Variants in KLRG1 observed in about 807,000 individuals in gnomAD.
KLRG1 encodes killer cell lectin-like receptor subfamily G member 1.
A neutral mutation model predicts 21.8 loss-of-function variants in KLRG1; 16 were observed. The ratio of observed to expected loss-of-function variants is 0.73; its 90% CI spans 0.50 to 1.11. The LOEUF (loss-of-function observed/expected upper bound fraction) is 1.11, where lower values mean the gene tolerates loss of function less well. KLRG1 is among the 50% of genes most tolerant of loss of function. The pLI is 0.00. For synonymous variants in KLRG1, 69 were observed against 75.9 expected (o/e 0.91, Z 0.47); for missense variants, 173 against 218.3 (o/e 0.79, Z 1.31).
the KLRG1 span, chr12:9,112,048 A>T: frequency 1.0e-6 from 1 of 984,260 alleles, no homozygotes; most frequent in Non-Finnish European, 1.6e-6. Flanking sequence ...GCCAGAAGTT[A>T]CTGTTAATGA....
chr12:9,003,880 A>T lies in KLRG1; in HGVS notation c.358-5095A>T, dbSNP rs1947382652. Reference sequence around the variant, plus strand: ...TCCCCCACCCCACAACTGTCCCCAGAGTGTGATGTTCCCCTTCCTGTGTCC... The same window carrying T: ...TCCCCCACCCCACAACTGTCCCCAGTGTGTGATGTTCCCCTTCCTGTGTCC... On this transcript the variant is annotated intron_variant, in intron 3 of 4. Coordinates refer to ENST00000356986, the MANE Select transcript of KLRG1 (RefSeq NM_005810.4). Among the ~76,000 whole-genome samples the T allele has an allele frequency of 2.7e-5, 4 of 149,922 alleles. No individual in the cohort carries two copies. The South Asian group carries it at 6.4e-4, about 24-fold the overall frequency.
chr12:9,097,790 G>C, the KLRG1 span, among the ~76,000 whole-genome samples: 1 of 151,974 alleles, frequency 6.6e-6, no homozygotes, highest in Non-Finnish European at 1.5e-5. Context: ...CCGCCACCAC[G>C]TCTGACTAAT....
intron 3 of KLRG1, among the ~76,000 whole-genome samples, chr12:8,995,583 G>A (rs2137356486): frequency 6.6e-6 from 1 of 152,210 alleles, no homozygotes; most frequent in African/African-American, 2.4e-5. Flanking sequence ...GGAGGCAGAA[G>A]GATGGTGAGT....
chr12:9,010,207 A>C lies in KLRG1; in HGVS notation c.*670A>C. 3 of 530,580 alleles carry C rather than the reference A, an allele frequency of 5.7e-6. No homozygotes were observed. The highest frequency in any genetic ancestry group is 1.0e-5 in the Non-Finnish European group (3 of 299,920). The allele number at this position is 530,580 out of a possible 1,614,324, so 32.9% of individuals were successfully genotyped here. A position where few individuals can be genotyped will look rare whatever the true frequency, so the allele number is the denominator to read the frequency against. ...TCTCTAAAAAAAAAAAAAAATGCTA[A>C]TGTGAGAATATAAATTGTGGGAAAT... is the stretch of plus-strand genomic sequence containing the variant. On this transcript the variant is annotated 3_prime_UTR_variant, in exon 5 of 5. Coordinates refer to ENST00000356986, the MANE Select transcript of KLRG1 (RefSeq NM_005810.4).
chr12:9,199,665 G>A, the KLRG1 span, among the ~76,000 whole-genome samples: 1 of 151,988 alleles, frequency 6.6e-6, no homozygotes, highest in African/African-American at 2.4e-5. Context: ...AAAAAAAGGA[G>A]GTTATAGACT....
At chr12:9,001,324 A>G (rs1236017201) in intron 3 of KLRG1, among the ~76,000 whole-genome samples, 1 of 152,186 alleles carries the variant, frequency 6.6e-6, no homozygotes, top group Non-Finnish European at 1.5e-5. Context: ...TAATGATATT[A>G]TTTTAAAATA....
At chr12:9,076,818 G>A in the KLRG1 span, 2 of 1,613,958 alleles carry the variant, frequency 1.2e-6, no homozygotes, top group Non-Finnish European at 1.7e-6. Flanking sequence ...CTGGTTACCT[G>A]CCAGGGCAAA....
chr12:9,038,679 T>C, the KLRG1 span, among the ~76,000 whole-genome samples: 2 of 152,122 alleles, frequency 1.3e-5, no homozygotes, highest in African/African-American at 4.8e-5. Flanking sequence ...ATTCCCCATC[T>C]TTGAGGCTGG....
At chr12:9,080,029 T>C in the KLRG1 span, 1 of 1,094,852 alleles carries the variant, frequency 9.1e-7, no homozygotes, top group Non-Finnish European at 1.3e-6. Flanking sequence ...TAAATATTTA[T>C]GGGAAATAAA....
At chr12:8,958,318 T>C (rs964923299) in intron 1 of KLRG1, among the ~76,000 whole-genome samples, 8 of 128,568 alleles carry the variant, frequency 6.2e-5, no homozygotes, top group African/African-American at 2.0e-4. Flanking sequence ...CCTCTCTTAA[T>C]TGCGTCAGAG....
chr12:9,079,043 T>G, the KLRG1 span, among the ~76,000 whole-genome samples: 1 of 152,070 alleles, frequency 6.6e-6, no homozygotes, highest in Non-Finnish European at 1.5e-5. Context: ...GGATCCATTT[T>G]GGAAACAAGC....
the KLRG1 span, among the ~76,000 whole-genome samples, chr12:9,088,429 T>C: frequency 6.6e-6 from 1 of 152,136 alleles, no homozygotes; most frequent in Non-Finnish European, 1.5e-5. Flanking sequence ...GATTGAATGA[T>C]AGGTAATCAG....
At chr12:9,176,739 T>A in the KLRG1 span, among the ~76,000 whole-genome samples, 1 of 152,202 alleles carries the variant, frequency 6.6e-6, no homozygotes, top group African/African-American at 2.4e-5. Flanking sequence ...GACGAGTAAC[T>A]CCTGAGTGCC....
At chr12:9,173,593 A>G in the KLRG1 span, among the ~76,000 whole-genome samples, 1 of 152,150 alleles carries the variant, frequency 6.6e-6, no homozygotes, top group African/African-American at 2.4e-5. Flanking sequence ...AGACTAATAA[A>G]GAAGAAAAAA....
At chr12:8,955,375 ATTTTTTTTTTTTTTTTTTT>A (rs61263683) in intron 1 of KLRG1, among the ~76,000 whole-genome samples, 11 of 71,332 alleles carry the variant, frequency 1.5e-4, no homozygotes, top group Non-Finnish European at 2.1e-4. Flanking sequence ...TATTGCTCTG[ATTTTTTTTTTTTTTTTTTT>A]TTTTTTTTTT....
chr12:8,982,471 T>C (rs1478613321), intron 1 of KLRG1, among the ~76,000 whole-genome samples: 1 of 152,204 alleles, frequency 6.6e-6, no homozygotes, highest in African/African-American at 2.4e-5. Flanking sequence ...TTATGTTAAG[T>C]CACTAAGTTT....
chr12:9,035,241 T>A, the KLRG1 span, among the ~76,000 whole-genome samples: 1 of 152,036 alleles, frequency 6.6e-6, no homozygotes, highest in Non-Finnish European at 1.5e-5. Context: ...ATGTGGCACA[T>A]ATACACCATG....
At chr12:9,174,943 C>A in the KLRG1 span, among the ~76,000 whole-genome samples, 2 of 152,134 alleles carry the variant, frequency 1.3e-5, no homozygotes, top group Non-Finnish European at 2.9e-5. Flanking sequence ...ACATTCTTCA[C>A]AGAATTAGAA....
At chr12:9,148,510 T>G in the KLRG1 span, among the ~76,000 whole-genome samples, 1 of 152,168 alleles carries the variant, frequency 6.6e-6, no homozygotes, top group Admixed American at 6.5e-5. Context: ...GCACTTTAAT[T>G]ATCAATTCTC....
Sources: gnomAD v4.1 joint callset for allele counts (sites outside exome capture counted in the v4.1 genomes callset) on GRCh38, gnomAD v4.1.1 for gene constraint, MANE v1.5 for transcripts, NCBI Gene and HGNC (gene_info 2026-07-23, HGNC 2026-07-21) for gene names.